Variants in SERPINB10 observed in about 807,000 individuals in gnomAD.
SERPINB10 encodes serpin family B member 10, also known as serpin B10.
Under a neutral mutation model 39.1 loss-of-function variants are expected in SERPINB10, and 35 were observed. That is an observed-to-expected ratio of 0.90 (90% CI 0.68 to 1.19). SERPINB10 has a LOEUF of 1.19. Among genes scored for constraint, SERPINB10 ranks in the 50% most tolerant of loss-of-function variants. The pLI, the probability that SERPINB10 is intolerant of heterozygous loss-of-function variation, is 0.00. For synonymous variants in SERPINB10, 190 were observed against 158.1 expected (o/e 1.20, Z -1.52); for missense variants, 546 against 460.5 (o/e 1.19, Z -1.70).
intron 5 of SERPINB10, among the ~76,000 whole-genome samples, chr18:63,924,953 C>T (rs2050170566): frequency 6.6e-6 from 1 of 151,796 alleles, no homozygotes; most frequent in East Asian, 1.9e-4. Flanking sequence ...AGTAAGTATA[C>T]TTCGACTATA....
intron 6 of SERPINB10, 85 bp downstream of exon 6, chr18:63,930,272 G>GT (rs2050213035): frequency 7.0e-7 from 1 of 1,429,718 alleles, no homozygotes. Flanking sequence ...CTTTTAGATT[G>GT]TATGTTCTAG....
chr18:63,910,140 T>C (rs935205350), intron 1 of SERPINB10, among the ~76,000 whole-genome samples: 16 of 151,970 alleles, frequency 1.1e-4, no homozygotes, highest in Non-Finnish European at 2.1e-4. Context: ...GCCTCTCTCA[T>C]GATTAAGTTA....
At chr18:63,924,347 G>C (rs940520807) in intron 5 of SERPINB10, among the ~76,000 whole-genome samples, 2 of 151,828 alleles carry the variant, frequency 1.3e-5, no homozygotes, top group Non-Finnish European at 2.9e-5. Context: ...TGTGACATAC[G>C]GTGTCCTCAC....
Position 63,935,372 on chromosome 18 carries a change from A to G in SERPINB10, c.*130A>G. 1.1e-6 allele frequency: 1 copy of G among 895,874 alleles called. No individual in the cohort carries two copies. The highest frequency in any genetic ancestry group is 1.7e-6 in the Non-Finnish European group (1 of 597,990). 55.5% of individuals were successfully genotyped at this position (895,874 alleles called of 1,614,324 possible). A position where few individuals can be genotyped will look rare whatever the true frequency, so the allele number is the denominator to read the frequency against. ...TTTTCACATTTGAATATAAGTAAAT[A>G]GATCTTGAAATAATGCATTCTAATG... On this transcript the variant is annotated 3_prime_UTR_variant, in exon 8 of 8. Coordinates refer to ENST00000238508, the MANE Select transcript of SERPINB10 (RefSeq NM_005024.3).
chr18:63,917,435 G>T (rs777286070), intron 2 of SERPINB10, 21 bp from the exon 3 acceptor site: 3 of 1,452,896 alleles, frequency 2.1e-6, no homozygotes, highest in Non-Finnish European at 1.9e-6. Context: ...CTATTCATTT[G>T]TATTTTTATT....
intron 1 of SERPINB10, among the ~76,000 whole-genome samples, chr18:63,914,369 C>T (rs534811913): frequency 6.6e-5 from 10 of 152,098 alleles, no homozygotes; most frequent in South Asian, 6.2e-4. Context: ...GTGTGTGCTA[C>T]GTACTTAAGT....
Position 63,934,775 on chromosome 18 carries a change from A to G in SERPINB10, c.790-63A>G, listed in dbSNP as rs150103538. 5.7e-5 allele frequency: 86 copies of G among 1,520,522 alleles called. No homozygotes were observed. The East Asian group carries it at 1.3e-3, about 23-fold the overall frequency. The allele number at this position is 1,520,522 out of a possible 1,614,324, so 94.2% of individuals were successfully genotyped here. Reference sequence around the variant, plus strand: ...ATGTAATTCCTAGGGTGCTCTCTCTACTACTGTTTTTCATTCCACTTTGGA... The same window carrying G: ...ATGTAATTCCTAGGGTGCTCTCTCTGCTACTGTTTTTCATTCCACTTTGGA... On this transcript the variant is annotated intron_variant, in intron 7 of 7. Transcript: ENST00000238508.
In SERPINB10 at chr18:63,935,323, A is replaced by G; in HGVS notation, c.*81A>G. On this transcript the variant is annotated 3_prime_UTR_variant, in exon 8 of 8. Transcript: ENST00000238508. ...GAGATGGAAAAGCACAATTTTCACA[A>G]AAATGAGTTTGTAGTCTAAACCTTT... 7.0e-7 allele frequency: 1 copy of G among 1,430,064 alleles called. No homozygotes were observed. Among genetic ancestry groups the G allele is most frequent in the African/African-American group, 1.4e-5 (1 of 70,116 alleles). The allele number at this position is 1,430,064 out of a possible 1,614,324, so 88.6% of individuals were successfully genotyped here.
chr18:63,928,992 A>C (rs1223023454), intron 5 of SERPINB10, among the ~76,000 whole-genome samples: 1 of 152,106 alleles, frequency 6.6e-6, no homozygotes, highest in Non-Finnish European at 1.5e-5. Flanking sequence ...CAATTTGGTG[A>C]GAAACCCAGC....
chr18:63,935,957 A>G lies in SERPINB10; in HGVS notation c.*715A>G, dbSNP rs755063142. The G allele has an allele frequency of 4.6e-5, 7 of 152,354 alleles. No homozygotes were observed. The highest frequency in any genetic ancestry group is 1.9e-4 in the East Asian group (1 of 5,190). The allele number at this position is 152,354 out of a possible 1,614,324, so 9.4% of individuals were successfully genotyped here. ...AAGTTTAGCTAGTAGCAATCTCTCA[A>G]TGTTGGTGCCCTAGTTTTGACAAAT... On this transcript the variant is annotated 3_prime_UTR_variant, in exon 8 of 8. Transcript: ENST00000238508.
intron 5 of SERPINB10, among the ~76,000 whole-genome samples, chr18:63,921,170 TAATG>T (rs2050144295): frequency 6.6e-6 from 1 of 151,986 alleles, no homozygotes; most frequent in Non-Finnish European, 1.5e-5. Flanking sequence ...ATTCATGACT[TAATG>T]AAGATTAATT....
rs541748947 is a variant in SERPINB10, at chr18:63,913,826, A to C, written c.-9-1676A>C. On this transcript the variant is annotated intron_variant, in intron 1 of 7. Transcript: ENST00000238508. ...TTTTTCTTTGTTAGTTTTCTCCCTCAATGATCTGTCTAATGCTGTCAATGG... is the reference window on the plus strand; with the variant it reads ...TTTTTCTTTGTTAGTTTTCTCCCTCCATGATCTGTCTAATGCTGTCAATGG... 1.4e-4 allele frequency among the ~76,000 whole-genome samples: 22 copies of C among 152,014 alleles called. No homozygotes were observed. In the South Asian group the frequency reaches 4.6e-3, roughly 32 times the overall value.
chr18:63,932,607 A>G (rs971805557), intron 6 of SERPINB10, among the ~76,000 whole-genome samples: 3 of 151,676 alleles, frequency 2.0e-5, no homozygotes, highest in Non-Finnish European at 2.9e-5. Flanking sequence ...AGTTTTTATT[A>G]TTGTCTCATA....
chr18:63,930,848 G>GA (rs2050217152), intron 6 of SERPINB10, among the ~76,000 whole-genome samples: 1 of 152,140 alleles, frequency 6.6e-6, no homozygotes, highest in Non-Finnish European at 1.5e-5. Flanking sequence ...AGACCAGTTG[G>GA]AAAATCCCAT....
chr18:63,929,734 G>GAAAAAAAAAAAAAAAAAAAAAAAAA (rs796777562), intron 5 of SERPINB10, among the ~76,000 whole-genome samples: 1 of 113,852 alleles, frequency 8.8e-6, no homozygotes, highest in Non-Finnish European at 1.9e-5. Flanking sequence ...AAAAAAAAAA[G>GAAAAAAAAAAAAAAAAAAAAAAAAA]AAAAAAAAAA....
chr18:63,922,258 A>T (rs1599084109), intron 5 of SERPINB10, among the ~76,000 whole-genome samples: 1 of 151,972 alleles, frequency 6.6e-6, no homozygotes, highest in East Asian at 1.9e-4. Flanking sequence ...GTGGTGAAGC[A>T]AGAGTGACTA....
intron 5 of SERPINB10, among the ~76,000 whole-genome samples, chr18:63,925,413 T>C (rs2050174241): frequency 6.6e-6 from 1 of 151,820 alleles, no homozygotes; most frequent in South Asian, 2.1e-4. Flanking sequence ...GACAAAATGG[T>C]GGTAACAGAG....
chr18:63,926,619 A>G (rs913329307), intron 5 of SERPINB10, among the ~76,000 whole-genome samples: 1 of 152,030 alleles, frequency 6.6e-6, no homozygotes, highest in Non-Finnish European at 1.5e-5. Flanking sequence ...AACAAATGGG[A>G]AGTCTTTCTT....
intron 7 of SERPINB10, 30 bp from the exon 8 acceptor site, chr18:63,934,808 A>G (rs750311950): frequency 4.7e-5 from 73 of 1,564,068 alleles, no homozygotes; most frequent in Non-Finnish European, 5.9e-5. Flanking sequence ...GGAATTACTG[A>G]TTCTTTCTTT....
Sources: gnomAD v4.1 joint callset for allele counts (sites outside exome capture counted in the v4.1 genomes callset) on GRCh38, gnomAD v4.1.1 for gene constraint, MANE v1.5 for transcripts, NCBI Gene and HGNC (gene_info 2026-07-23, HGNC 2026-07-21) for gene names.